FKBP3: variants seen among roughly 807,000 people sequenced by gnomAD.
The protein encoded by FKBP3 is peptidyl-prolyl cis-trans isomerase FKBP3.
A neutral mutation model predicts 30.6 loss-of-function variants in FKBP3; 21 were observed. That is an observed-to-expected ratio of 0.69 (90% confidence interval 0.49 to 0.99). The LOEUF is 0.99. Ranked by LOEUF, FKBP3 falls within the 50% of genes least tolerant of loss-of-function variation. The pLI, the probability that FKBP3 is intolerant of heterozygous loss-of-function variation, is 0.00. For missense variants in FKBP3, 283 were observed against 261.6 expected (o/e 1.08, Z -0.56); for synonymous variants, 82 against 91.3 (o/e 0.90, Z 0.58).
intron 3 of FKBP3, among the ~76,000 whole-genome samples, chr14:45,128,291 G>A (rs141055304): frequency 1.3e-5 from 2 of 152,050 alleles, no homozygotes. Context: ...GAACCAAGAT[G>A]GCACCACTGC....
chr14:45,127,097 GTA>G (rs1426543164), intron 3 of FKBP3, among the ~76,000 whole-genome samples: 3 of 127,876 alleles, frequency 2.3e-5, no homozygotes, highest in South Asian at 2.5e-4. Flanking sequence ...ACCAGCCACT[GTA>G]CCTGACTGAC....
chr14:45,117,801 T>C (rs1312953107), intron 6 of FKBP3, among the ~76,000 whole-genome samples: 1 of 152,208 alleles, frequency 6.6e-6, no homozygotes, highest in African/African-American at 2.4e-5. Flanking sequence ...AGTTAAGAAT[T>C]TGAATAAGAG....
intron 1 of FKBP3, among the ~76,000 whole-genome samples, chr14:45,132,753 G>A (rs1287993349): frequency 1.3e-5 from 2 of 151,944 alleles, no homozygotes; most frequent in African/African-American, 4.8e-5. Flanking sequence ...GCATTTAAAA[G>A]ATTAATGTTA....
At chr14:45,130,867 A>C in intron 1 of FKBP3, 67 bp from the exon 2 acceptor site, 1 of 879,844 alleles carries the variant, frequency 1.1e-6, no homozygotes, top group Non-Finnish European at 1.8e-6. Context: ...AAATTAGAAA[A>C]CGATCCTTTT....
chr14:45,133,787 T>C (rs1376238841), intron 1 of FKBP3, among the ~76,000 whole-genome samples: 4 of 152,242 alleles, frequency 2.6e-5, no homozygotes, highest in Non-Finnish European at 4.4e-5. Context: ...AATGTGCATG[T>C]AGCTCCCTTA....
intron 1 of FKBP3, 60 bp downstream of exon 1, chr14:45,134,289 T>A: frequency 2.2e-6 from 3 of 1,338,434 alleles, no homozygotes; most frequent in Non-Finnish European, 3.2e-6. Context: ...TATGGGCATC[T>A]CCAGGGGGGT....
At chr14:45,125,501 G>A (rs1309547379) in intron 3 of FKBP3, among the ~76,000 whole-genome samples, 3 of 152,056 alleles carry the variant, frequency 2.0e-5, no homozygotes, top group Admixed American at 2.0e-4. Context: ...CTAAGTGTGA[G>A]TTTCTGTCGT....
intron 2 of FKBP3, among the ~76,000 whole-genome samples, chr14:45,130,199 CTAAA>C (rs922412150): frequency 2.0e-5 from 3 of 152,210 alleles, no homozygotes; most frequent in South Asian, 4.1e-4. Context: ...CAAATAACTC[CTAAA>C]TAAAGATTTC....
At chr14:45,134,233 C>G in intron 1 of FKBP3, 116 bp downstream of exon 1, 1 of 899,672 alleles carries the variant, frequency 1.1e-6, no homozygotes, top group Non-Finnish European at 1.7e-6. Context: ...TTCCAGGCCA[C>G]CGGCCGCGGG....
intron 6 of FKBP3, 156 bp from the exon 7 acceptor site, chr14:45,116,408 G>T: frequency 1.9e-6 from 1 of 529,384 alleles, no homozygotes. Flanking sequence ...TCCTAAATTA[G>T]CCACCACTTA....
In FKBP3 at chr14:45,130,856, A is replaced by G. The variant is rs988867445; in HGVS notation, c.109-56T>C. ...AACTTCTCCCGAGTAAGAAGTGTCT[A>G]AAATTAGAAAACGATCCTTTTATGT... On this transcript the variant is annotated intron_variant, in intron 1 of 6. Transcript: ENST00000396062. The G allele has an allele frequency of 8.1e-6, 8 of 988,040 alleles. No individual in the cohort carries two copies. The African/African-American group carries it at 1.3e-4, about 16-fold the overall frequency. 61.2% of individuals were successfully genotyped at this position (988,040 alleles called of 1,614,324 possible).
chr14:45,128,075 G>T (rs1033621479), intron 3 of FKBP3, among the ~76,000 whole-genome samples: 1 of 152,200 alleles, frequency 6.6e-6, no homozygotes, highest in African/African-American at 2.4e-5. Flanking sequence ...AGTGGCTCAC[G>T]CCTGTAATCC....
chr14:45,120,828 C>A, intron 5 of FKBP3, 59 bp downstream of exon 5: 1 of 1,349,762 alleles, frequency 7.4e-7, no homozygotes, highest in Non-Finnish European at 1.1e-6. Context: ...CTTTACAGCA[C>A]CATACCAGAA....
Position 45,115,772 on chromosome 14 carries a change from G to A in FKBP3, c.*426C>T, listed in dbSNP as rs1884818425. 1 of 153,950 alleles carries A rather than the reference G, an allele frequency of 6.5e-6. No homozygotes were observed. The highest frequency in any genetic ancestry group is 2.4e-5 in the African/African-American group (1 of 41,418). 9.5% of individuals were successfully genotyped at this position (153,950 alleles called of 1,614,324 possible). A position where few individuals can be genotyped will look rare whatever the true frequency, so the allele number is the denominator to read the frequency against. On this transcript the variant is annotated 3_prime_UTR_variant, in exon 7 of 7. Coordinates refer to ENST00000396062, the MANE Select transcript of FKBP3 (RefSeq NM_002013.4). ...GTTTCCCCTCAAGCCTTATGCTTTT[G>A]CCTTCTCATTATACAGGCAATCTGT...
chr14:45,127,217 G>A (rs1055117558), intron 3 of FKBP3, among the ~76,000 whole-genome samples: 3 of 151,136 alleles, frequency 2.0e-5, no homozygotes, highest in Non-Finnish European at 2.9e-5. Context: ...GGGTTCAGGC[G>A]ATTCTCCCAC....
intron 1 of FKBP3, among the ~76,000 whole-genome samples, chr14:45,132,790 G>A (rs1885249051): frequency 6.6e-6 from 1 of 152,092 alleles, no homozygotes; most frequent in African/African-American, 2.4e-5. Flanking sequence ...ATCCAAGTCT[G>A]TTGAAATTCT....
At chr14:45,123,404 A>G (rs1885027510) in intron 3 of FKBP3, among the ~76,000 whole-genome samples, 1 of 151,726 alleles carries the variant, frequency 6.6e-6, no homozygotes, top group Admixed American at 6.6e-5. Context: ...AGAAAACTTA[A>G]GGCTGCCAAA....
At chr14:45,130,389 A>C (rs539972031) in intron 2 of FKBP3, among the ~76,000 whole-genome samples, 3 of 152,366 alleles carry the variant, frequency 2.0e-5, no homozygotes, top group South Asian at 4.1e-4. Context: ...AATACATTTA[A>C]TATACACCAT....
At chr14:45,124,866 G>A (rs370733939) in intron 3 of FKBP3, among the ~76,000 whole-genome samples, 2 of 152,154 alleles carry the variant, frequency 1.3e-5, no homozygotes, top group South Asian at 2.1e-4. Context: ...TAGGACATTA[G>A]CCAATTTAGA....
Sources: gnomAD v4.1 joint callset for allele counts (sites outside exome capture counted in the v4.1 genomes callset) on GRCh38, gnomAD v4.1.1 for gene constraint, MANE v1.5 for transcripts, NCBI Gene and HGNC (gene_info 2026-07-23, HGNC 2026-07-21) for gene names.